The following ZNF236 variants were observed in gnomAD, a reference collection of about 807,000 sequenced individuals.
The protein encoded by ZNF236 is zinc finger protein 236, also known as regulated by glucose.
ZNF236 carries 50 observed loss-of-function variants against 191.2 expected under a neutral mutation model. That is an observed-to-expected ratio of 0.26 (90% CI 0.21 to 0.33). The LOEUF (loss-of-function observed/expected upper bound fraction) is 0.33. ZNF236 is among the 10% of genes least tolerant of loss of function. The pLI, the probability that ZNF236 is intolerant of heterozygous loss-of-function variation, is 1.00. For missense variants in ZNF236, 1,754 were observed against 2,374.5 expected (o/e 0.74, Z 5.43); for synonymous variants, 907 against 928.8 (o/e 0.98, Z 0.43).
intron 1 of ZNF236, among the ~76,000 whole-genome samples, chr18:76,842,580 C>T (rs997670645): frequency 1.3e-5 from 2 of 151,988 alleles, no homozygotes; most frequent in African/African-American, 2.4e-5. Context: ...GGAGAAACCC[C>T]ATGTCTACTA....
rs566409234 is a variant in ZNF236, at chr18:76,960,208, C to G, written c.5242+392C>G. On this transcript the variant is annotated intron_variant, in intron 29 of 30. Transcript: ENST00000320610. This position sits in a 1 kb window ranked among gnomAD's most constrained non-coding sequence, Gnocchi z 4.4. ...TCTTCTGTCTTAAAACTTTTTTTCT[C>G]TGCTGGCTTTTCCTACACCACCTAA... Among the ~76,000 whole-genome samples the G allele has an allele frequency of 6.6e-6, 1 of 152,112 alleles. No homozygotes were observed. Among genetic ancestry groups the G allele is most frequent in the African/African-American group, 2.4e-5 (1 of 41,402 alleles).
chr18:76,877,819 G>A (rs1181849432), intron 6 of ZNF236, among the ~76,000 whole-genome samples, 190 bp from the exon 7 acceptor site: 1 of 151,996 alleles, frequency 6.6e-6, no homozygotes, highest in East Asian at 1.9e-4. Flanking sequence ...TCTTATACCG[G>A]CAATATTGTT....
rs1212728794 is a variant in ZNF236 at position 76,970,857 on chromosome 18, C to T, written c.*2518C>T. On this transcript the variant is annotated 3_prime_UTR_variant, in exon 31 of 31. Coordinates refer to ENST00000320610, the MANE Select transcript of ZNF236 (RefSeq NM_001306089.2). ...CCTTTACCTCTGTGAAGTTCAGAGG[C>T]GTTTACCCCTGCAGTGTCCACTGGA... 1 of 152,214 alleles carries T rather than the reference C, an allele frequency of 6.6e-6. No individual in the cohort carries two copies. The highest frequency in any genetic ancestry group is 1.5e-5 in the Non-Finnish European group (1 of 68,044). 9.4% of individuals were successfully genotyped at this position (152,214 alleles called of 1,614,324 possible).
intron 26 of ZNF236, among the ~76,000 whole-genome samples, chr18:76,946,494 A>G (rs1438283652): frequency 6.6e-6 from 1 of 152,186 alleles, no homozygotes; most frequent in Non-Finnish European, 1.5e-5. Flanking sequence ...TCCCTAAAAC[A>G]TTGAGAAACA....
At chr18:76,955,304 C>T (rs1599424667) in intron 27 of ZNF236, among the ~76,000 whole-genome samples, 1 of 149,052 alleles carries the variant, frequency 6.7e-6, no homozygotes. Context: ...TGGACGCAGG[C>T]GTGCGGGAGG....
At chr18:76,947,347 A>G (rs991032496) in intron 26 of ZNF236, among the ~76,000 whole-genome samples, 174 bp from the exon 27 acceptor site, 3 of 152,150 alleles carry the variant, frequency 2.0e-5, no homozygotes, top group Non-Finnish European at 4.4e-5. Flanking sequence ...ATTTCTGTAC[A>G]AGGCTTCTGT....
At chr18:76,946,393 G>A (rs1235978051) in intron 26 of ZNF236, among the ~76,000 whole-genome samples, 2 of 152,170 alleles carry the variant, frequency 1.3e-5, no homozygotes, top group Non-Finnish European at 2.9e-5. Flanking sequence ...GCCCAGTCAA[G>A]GGCATGTCTT....
chr18:76,834,806 T>G, intron 1 of ZNF236: 1 of 471,960 alleles, frequency 2.1e-6, no homozygotes, highest in Non-Finnish European at 4.2e-6. Context: ...AGACAAAATC[T>G]TCCTGCGAAT....
chr18:76,893,894 C>G (rs936559982), intron 9 of ZNF236, among the ~76,000 whole-genome samples: 7 of 152,180 alleles, frequency 4.6e-5, no homozygotes. Flanking sequence ...GATTTACTTG[C>G]ATATATGGAT....
At position 76,875,650 on chromosome 18, in the gene ZNF236, C is replaced by A; in HGVS notation, c.826C>A (p.Arg276=). Residue 276 remains arginine (R), a synonymous_variant, in exon 6 of 31, where the codon CGA becomes AGA. Coordinates refer to ENST00000320610, the MANE Select transcript of ZNF236 (RefSeq NM_001306089.2). This position sits in a 1 kb window ranked among gnomAD's most constrained non-coding sequence, Gnocchi z 4.3. ...AGGGAATCTTCAGTCGCACGTGCAG[C>A]GAGTCCACTCAGAGGTAAACACGGG... is the stretch of plus-strand genomic sequence containing the variant. The part of the protein sequence containing the change: ...QKGNLQSHVQ[R]VHSEVKNGPT... The A allele has an allele frequency of 6.3e-7, 1 of 1,586,630 alleles. No individual in the cohort carries two copies.
chr18:76,925,321 C>T lies in ZNF236; in HGVS notation c.3794C>T (p.Ser1265Leu). The T allele has an allele frequency of 1.2e-6, 2 of 1,614,148 alleles. No individual in the cohort carries two copies. The highest frequency in any genetic ancestry group is 8.5e-7 in the Non-Finnish European group (1 of 1,180,036). The change falls in exon 22 of 31, where the codon TCG becomes TTG. Residue 1265 changes from serine to leucine, a missense_variant. Coordinates refer to ENST00000320610, the MANE Select transcript of ZNF236 (RefSeq NM_001306089.2). The surrounding 1 kb of genome is among the most constrained non-coding windows in gnomAD (Gnocchi z 5.7). Reference sequence around the variant, plus strand: ...CATTGCGAGCTGCGTTTCCGTACCTCGGGTAGAAGAAAGACACACATGCAG... The same window carrying T: ...CATTGCGAGCTGCGTTTCCGTACCTTGGGTAGAAGAAAGACACACATGCAG... Reference protein sequence around the residue: ...CPHCELRFRTSGRRKTHMQFH... With the variant: ...CPHCELRFRTLGRRKTHMQFH...
Position 76,927,957 on chromosome 18 carries a change from C to A in ZNF236, c.4445C>A (p.Ser1482Ter). Residue 1482 changes from serine to a stop codon, truncating the protein, a stop_gained, in exon 25 of 31, where the codon TCG becomes TAG. Transcript: ENST00000320610. LOFTEE classifies it high-confidence loss of function. This position sits in a 1 kb window ranked among gnomAD's most constrained non-coding sequence, Gnocchi z 5.4. The part of the protein sequence containing the change: ...GTQDLTQVMT[S>*]QGLVSPSGGP... ...CAAGACCTCACTCAAGTGATGACTT[C>A]GCAAGGTCTAGTGTCCCCCTCCGGC... 6.2e-7 allele frequency: 1 copy of A among 1,609,936 alleles called. No individual in the cohort carries two copies. The highest frequency in any genetic ancestry group is 8.5e-7 in the Non-Finnish European group (1 of 1,178,002).
At chr18:76,949,156 C>G (rs936778130) in intron 27 of ZNF236, among the ~76,000 whole-genome samples, 1 of 152,172 alleles carries the variant, frequency 6.6e-6, no homozygotes. Context: ...CCTTATTAGT[C>G]TGGTATGTTT....
chr18:76,843,067 A>G (rs1975557162), intron 1 of ZNF236, among the ~76,000 whole-genome samples: 1 of 152,170 alleles, frequency 6.6e-6, no homozygotes, highest in African/African-American at 2.4e-5. Context: ...AATAATGCAG[A>G]CTTATTTCAG....
chr18:76,930,118 A>T (rs1967806597), intron 25 of ZNF236, among the ~76,000 whole-genome samples: 1 of 152,248 alleles, frequency 6.6e-6, no homozygotes, highest in African/African-American at 2.4e-5. Flanking sequence ...CAAACAAGTG[A>T]CATCTGCATA....
At chr18:76,856,004 C>T (rs552254666) in intron 3 of ZNF236, among the ~76,000 whole-genome samples, 2 of 152,198 alleles carry the variant, frequency 1.3e-5, no homozygotes, top group East Asian at 3.9e-4. Flanking sequence ...TCAGTTTATC[C>T]TCCAGCCAAT....
intron 1 of ZNF236, among the ~76,000 whole-genome samples, chr18:76,830,635 T>A (rs1211830748): frequency 6.6e-6 from 1 of 151,936 alleles, no homozygotes; most frequent in African/African-American, 2.4e-5. Context: ...GCTGGTGGAG[T>A]TAAAAAAAAA....
chr18:76,940,172 A>T (rs1271543634), intron 26 of ZNF236, among the ~76,000 whole-genome samples: 1 of 130,438 alleles, frequency 7.7e-6, no homozygotes, highest in East Asian at 2.5e-4. Context: ...CTAGCACTCC[A>T]TTTGGGAACA....
At chr18:76,858,272 T>A (rs1224138418) in intron 3 of ZNF236, among the ~76,000 whole-genome samples, 1 of 152,236 alleles carries the variant, frequency 6.6e-6, no homozygotes. Context: ...ATTCCAATCC[T>A]AAGTGAAGAT....
Sources: allele counts gnomAD v4.1 joint callset (sites outside exome capture counted in the v4.1 genomes callset), GRCh38; gene constraint gnomAD v4.1.1; non-coding constraint Gnocchi (gnomAD v3.1); transcripts MANE v1.5; gene names NCBI Gene and HGNC (gene_info 2026-07-23, HGNC 2026-07-21).